TTC29: variants seen among roughly 807,000 people sequenced by gnomAD.
The protein encoded by TTC29 is tetratricopeptide repeat domain 29.
In TTC29, 49 loss-of-function variants were observed where a neutral mutation model predicts 58.1. That is an observed-to-expected ratio of 0.84 (90% CI 0.67 to 1.07). The LOEUF (loss-of-function observed/expected upper bound fraction) is 1.07, where lower values mean the gene tolerates loss of function less well. TTC29 is among the 50% of genes least tolerant of loss of function. The pLI, the probability that TTC29 is intolerant of heterozygous loss-of-function variation, is 0.00. For missense variants in TTC29, 582 were observed against 555.6 expected (o/e 1.05, Z -0.48); for synonymous variants, 209 against 196.8 (o/e 1.06, Z -0.52).
intron 11 of TTC29, among the ~76,000 whole-genome samples, chr4:146,722,879 G>A (rs1179937762): frequency 6.6e-6 from 1 of 152,012 alleles, no homozygotes; most frequent in Admixed American, 6.6e-5. Context: ...TGTATTTTTA[G>A]TAGAGACAAG....
intron 3 of TTC29, among the ~76,000 whole-genome samples, chr4:146,939,473 C>T (rs1736158573): frequency 6.6e-6 from 1 of 152,098 alleles, no homozygotes; most frequent in African/African-American, 2.4e-5. Context: ...AAAAGCTTTA[C>T]ACCTTTCATT....
chr4:146,810,211 G>A (rs980805105), intron 10 of TTC29, among the ~76,000 whole-genome samples: 18 of 152,138 alleles, frequency 1.2e-4, no homozygotes, highest in African/African-American at 4.3e-4. Flanking sequence ...GTTGAACAGC[G>A]AGAAGACATG....
intron 6 of TTC29, among the ~76,000 whole-genome samples, chr4:146,875,995 A>C (rs1731230901): frequency 6.6e-6 from 1 of 152,210 alleles, no homozygotes; most frequent in Non-Finnish European, 1.5e-5. Context: ...ACATAATTGG[A>C]ATTGATACAA....
intron 4 of TTC29, among the ~76,000 whole-genome samples, chr4:146,930,390 C>T (rs1007433289): frequency 6.6e-6 from 1 of 151,948 alleles, no homozygotes; most frequent in Non-Finnish European, 1.5e-5. Context: ...TGGAGGTGGG[C>T]ATCACCTGAT....
At chr4:146,712,504 G>A (rs1201558740) in intron 11 of TTC29, among the ~76,000 whole-genome samples, 2 of 152,052 alleles carry the variant, frequency 1.3e-5, no homozygotes, top group East Asian at 3.9e-4. Flanking sequence ...CTGTGATCCT[G>A]GAACACAGCC....
chr4:146,739,763 C>T (rs1037850122), intron 11 of TTC29, among the ~76,000 whole-genome samples: 1 of 152,114 alleles, frequency 6.6e-6, no homozygotes, highest in Admixed American at 6.6e-5. Context: ...AAATGTAGTG[C>T]CCTTCTGTAT....
chr4:146,753,527 T>C (rs573398340), intron 11 of TTC29, among the ~76,000 whole-genome samples: 2 of 152,296 alleles, frequency 1.3e-5, no homozygotes, highest in African/African-American at 4.8e-5. Flanking sequence ...AGAAATACCA[T>C]TTGACCCAGC....
At chr4:146,726,140 G>A (rs911964549) in intron 11 of TTC29, among the ~76,000 whole-genome samples, 15 of 152,046 alleles carry the variant, frequency 9.9e-5, no homozygotes, top group Non-Finnish European at 1.5e-5. Flanking sequence ...CTCCCAAAAT[G>A]TTTGGGATTA....
At chr4:146,737,906 G>T (rs1412760424) in intron 11 of TTC29, among the ~76,000 whole-genome samples, 1 of 152,218 alleles carries the variant, frequency 6.6e-6, no homozygotes, top group Admixed American at 6.5e-5. Flanking sequence ...AAGCAGGGAT[G>T]ATTTCTAAGC....
chr4:146,774,739 G>A (rs1364446393), intron 11 of TTC29, among the ~76,000 whole-genome samples: 1 of 152,036 alleles, frequency 6.6e-6, no homozygotes, highest in Non-Finnish European at 1.5e-5. Context: ...AGGTCCATTT[G>A]GTCAAGTGTC....
At chr4:146,922,284 T>C (rs1027336346) in intron 4 of TTC29, among the ~76,000 whole-genome samples, 1 of 150,976 alleles carries the variant, frequency 6.6e-6, no homozygotes, top group African/African-American at 2.4e-5. Flanking sequence ...AAAACAAATA[T>C]TATGAAATAA....
chr4:146,854,054 T>G (rs1729678637), intron 8 of TTC29, among the ~76,000 whole-genome samples: 1 of 152,166 alleles, frequency 6.6e-6, no homozygotes, highest in Non-Finnish European at 1.5e-5. Context: ...CTGGGATAAC[T>G]GATTTGTTTC....
intron 8 of TTC29, among the ~76,000 whole-genome samples, chr4:146,860,201 A>T (rs1456479919): frequency 6.6e-6 from 1 of 152,184 alleles, no homozygotes; most frequent in Admixed American, 6.6e-5. Flanking sequence ...AATGGAAACA[A>T]CTGTAAGAAC....
At chr4:146,932,610 T>C (rs554621617) in intron 4 of TTC29, among the ~76,000 whole-genome samples, 7 of 152,098 alleles carry the variant, frequency 4.6e-5, no homozygotes, top group African/African-American at 1.7e-4. Context: ...AAAAGTATAT[T>C]TGTAGTTCAT....
rs112695784 is a variant in TTC29 at position 146,879,985 on chromosome 4, C to A, written c.587-5057G>T. ...AGTAACCAGATCACAGTGGTAACCACAGTAAGGAAGACACACTAACTGCTG... is the reference window on the plus strand; with the variant it reads ...AGTAACCAGATCACAGTGGTAACCAAAGTAAGGAAGACACACTAACTGCTG... On this transcript the variant is annotated intron_variant, in intron 6 of 12. Transcript: ENST00000325106. Among the ~76,000 whole-genome samples, 452 of 152,210 alleles carry A rather than the reference C, an allele frequency of 3.0e-3. 1 individual carries two copies. Among genetic ancestry groups the A allele is most frequent in the Non-Finnish European group, 4.9e-3 (336 of 68,002 alleles).
At chr4:146,826,593 T>A (rs1727813963) in intron 9 of TTC29, among the ~76,000 whole-genome samples, 1 of 152,120 alleles carries the variant, frequency 6.6e-6, no homozygotes, top group African/African-American at 2.4e-5. Context: ...TTTCTTGGGT[T>A]TGATCTTCTC....
At chr4:146,925,551 T>C (rs1341553912) in intron 4 of TTC29, among the ~76,000 whole-genome samples, 2 of 152,166 alleles carry the variant, frequency 1.3e-5, no homozygotes, top group Admixed American at 6.6e-5. Flanking sequence ...TCCTTTGTAC[T>C]TCTGTGTGGC....
chr4:146,795,106 A>C (rs528964617), intron 11 of TTC29, among the ~76,000 whole-genome samples: 10 of 152,286 alleles, frequency 6.6e-5, no homozygotes, highest in Non-Finnish European at 1.2e-4. Flanking sequence ...ACTGAAGTTT[A>C]GAATGAAATG....
chr4:146,922,920 G>A (rs1734689557), intron 4 of TTC29, among the ~76,000 whole-genome samples: 1 of 151,758 alleles, frequency 6.6e-6, no homozygotes, highest in Admixed American at 6.6e-5. Flanking sequence ...AGATTTAGAA[G>A]ACCAGTTACA....
Sources: allele counts gnomAD v4.1 joint callset (sites outside exome capture counted in the v4.1 genomes callset), GRCh38; gene constraint gnomAD v4.1.1; transcripts MANE v1.5; gene names NCBI Gene and HGNC (gene_info 2026-07-23, HGNC 2026-07-21).